SGCZ: variants seen among roughly 807,000 people sequenced by gnomAD.
SGCZ encodes the protein zeta-sarcoglycan.
In SGCZ, 40 loss-of-function variants were observed where a neutral mutation model predicts 41.3. The observed-to-expected ratio is 0.97, with a 90% CI of 0.75 to 1.26. The LOEUF is 1.26. Among genes scored for constraint, SGCZ ranks in the 50% most tolerant of loss-of-function variants. The pLI, the probability that SGCZ is intolerant of heterozygous loss-of-function variation, is 0.00. For missense variants in SGCZ, 552 were observed against 369.8 expected (o/e 1.49, Z -4.04); for synonymous variants, 206 against 137.5 (o/e 1.50, Z -3.49).
At chr8:14,292,022 A>G (rs1800856416) in intron 3 of SGCZ, among the ~76,000 whole-genome samples, 1 of 152,036 alleles carries the variant, frequency 6.6e-6, no homozygotes, top group South Asian at 2.1e-4. Context: ...AATGCATCAT[A>G]TTTTACTGGG....
chr8:14,204,232 C>T (rs1805546247), intron 4 of SGCZ, among the ~76,000 whole-genome samples: 1 of 150,698 alleles, frequency 6.6e-6, no homozygotes, highest in Non-Finnish European at 1.5e-5. Flanking sequence ...ATATCTGTTG[C>T]TTAGAGATGG....
At chr8:15,147,309 A>G (rs965287795) in intron 1 of SGCZ, among the ~76,000 whole-genome samples, 26 of 151,478 alleles carry the variant, frequency 1.7e-4, no homozygotes, top group Non-Finnish European at 3.5e-4. Context: ...ACGGGCTTTC[A>G]CTCTTTTTGA....
intron 1 of SGCZ, among the ~76,000 whole-genome samples, chr8:15,196,936 C>T (rs1023728409): frequency 2.0e-5 from 3 of 152,194 alleles, no homozygotes; most frequent in African/African-American, 7.2e-5. Flanking sequence ...TTCATGTGAC[C>T]TCTCATTCTC....
At chr8:14,145,523 C>G (rs1278144318) in intron 5 of SGCZ, among the ~76,000 whole-genome samples, 3 of 152,118 alleles carry the variant, frequency 2.0e-5, no homozygotes, top group Non-Finnish European at 2.9e-5. Flanking sequence ...TCTTCAATGC[C>G]CAGACACCAA....
chr8:14,584,062 A>G (rs1424293363), intron 1 of SGCZ, among the ~76,000 whole-genome samples: 3 of 152,068 alleles, frequency 2.0e-5, no homozygotes, highest in African/African-American at 4.8e-5. Flanking sequence ...TCTTTATCTC[A>G]GGGAGCTCAA....
chr8:14,823,055 T>TTAAA (rs1491314386), intron 1 of SGCZ, among the ~76,000 whole-genome samples: 1 of 75,488 alleles, frequency 1.3e-5, no homozygotes, highest in African/African-American at 4.6e-5. Flanking sequence ...CCAATCCTCA[T>TTAAA]AAAAAAAAAA....
At position 15,015,693 on chromosome 8, in the gene SGCZ, AAAAAAAAAAAGAAAAG is replaced by A. The variant is rs1397838227; in HGVS notation, c.39+221876_39+221891del. Among the ~76,000 whole-genome samples the A allele has an allele frequency of 8.6e-3, 1,266 of 147,652 alleles. 13 individuals carry two copies. Among genetic ancestry groups the A allele is most frequent in the South Asian group, 0.02 (92 of 4,644 alleles). ...ACAGAGAGAGACTCCATCTCAAAAAAAAAAAAAAAAGAAAAGAAAAAAGAAATATACACGTGTGTGT... is the reference window on the plus strand; with the variant it reads ...ACAGAGAGAGACTCCATCTCAAAAAAAAAAAAGAAATATACACGTGTGTGT... On this transcript the variant is annotated intron_variant, in intron 1 of 7. Coordinates refer to ENST00000382080, the MANE Select transcript of SGCZ (RefSeq NM_139167.4).
intron 1 of SGCZ, among the ~76,000 whole-genome samples, chr8:15,158,193 G>C (rs1585623649): frequency 6.6e-6 from 1 of 150,606 alleles, no homozygotes; most frequent in Non-Finnish European, 1.5e-5. Context: ...AAAAGATATA[G>C]TCCCCATTCA....
At chr8:14,567,995 GT>G (rs1804431100) in intron 1 of SGCZ, among the ~76,000 whole-genome samples, 1 of 152,158 alleles carries the variant, frequency 6.6e-6, no homozygotes, top group South Asian at 2.1e-4. Context: ...CATTATTGAA[GT>G]CAGTGAGACC....
chr8:14,465,757 G>A (rs11996847), intron 2 of SGCZ, among the ~76,000 whole-genome samples: 6,356 of 151,602 alleles, frequency 0.042, 414 homozygotes, highest in African/African-American at 0.14. Flanking sequence ...CTTCAATAAC[G>A]TAGAAAACTC....
intron 1 of SGCZ, among the ~76,000 whole-genome samples, chr8:15,064,534 CAAAAA>C (rs199980199): frequency 1.5e-5 from 2 of 132,096 alleles, no homozygotes; most frequent in East Asian, 2.3e-4. Context: ...CCAGGCCTCT[CAAAAA>C]AAAAAAAAAA....
intron 1 of SGCZ, among the ~76,000 whole-genome samples, chr8:15,017,692 G>C (rs1803091279): frequency 6.6e-6 from 1 of 151,972 alleles, no homozygotes; most frequent in Admixed American, 6.6e-5. Flanking sequence ...TTTTTACAGA[G>C]ACAGGGTTTC....
At chr8:14,113,478 T>G (rs1052002232) in intron 5 of SGCZ, among the ~76,000 whole-genome samples, 7 of 152,028 alleles carry the variant, frequency 4.6e-5, no homozygotes, top group African/African-American at 1.7e-4. Context: ...GCGCACCACA[T>G]GATGGATGGG....
At chr8:14,367,282 T>C (rs1340616926) in intron 2 of SGCZ, among the ~76,000 whole-genome samples, 1 of 152,088 alleles carries the variant, frequency 6.6e-6, no homozygotes, top group Admixed American at 6.6e-5. Context: ...CATATCACTA[T>C]TAGCATTTTG....
intron 2 of SGCZ, among the ~76,000 whole-genome samples, chr8:14,434,030 G>T (rs998592451): frequency 9.2e-5 from 14 of 152,208 alleles, no homozygotes; most frequent in African/African-American, 3.4e-4. Flanking sequence ...TCTTGGTCAT[G>T]AAATCCTTGC....
intron 1 of SGCZ, among the ~76,000 whole-genome samples, chr8:14,747,986 G>C (rs1322584692): frequency 6.6e-6 from 1 of 150,708 alleles, no homozygotes; most frequent in Admixed American, 6.7e-5. Context: ...TCGGCCACAA[G>C]GCACTTTTTG....
intron 1 of SGCZ, among the ~76,000 whole-genome samples, chr8:15,189,860 T>C (rs1265900585): frequency 6.6e-6 from 1 of 152,210 alleles, no homozygotes; most frequent in African/African-American, 2.4e-5. Context: ...CCTTGAAGCA[T>C]TTTTCCAAGT....
At chr8:14,551,711 C>A (rs1803874517) in intron 2 of SGCZ, among the ~76,000 whole-genome samples, 1 of 86,014 alleles carries the variant, frequency 1.2e-5, no homozygotes, top group African/African-American at 4.9e-5. Flanking sequence ...TTATTTCTAT[C>A]CTAAGTCTTT....
At chr8:14,772,324 A>T (rs1283185889) in intron 1 of SGCZ, among the ~76,000 whole-genome samples, 1 of 152,170 alleles carries the variant, frequency 6.6e-6, no homozygotes, top group African/African-American at 2.4e-5. Context: ...GGTGAAGAGC[A>T]ACTAGAATAA....
Sources: gnomAD v4.1 joint callset for allele counts (sites outside exome capture counted in the v4.1 genomes callset) on GRCh38, gnomAD v4.1.1 for gene constraint, MANE v1.5 for transcripts, NCBI Gene and HGNC (gene_info 2026-07-23, HGNC 2026-07-21) for gene names.